The following CSMD1 variants were observed in gnomAD, a reference collection of about 807,000 sequenced individuals.
The protein encoded by CSMD1 is CUB and sushi domain-containing protein 1.
Under a neutral mutation model 417.5 loss-of-function variants are expected in CSMD1, and 213 were observed. The ratio of observed to expected loss-of-function variants is 0.51; its 90% CI spans 0.46 to 0.57. The LOEUF is 0.57. Ranked by LOEUF, CSMD1 falls within the 20% of genes least tolerant of loss-of-function variation. The pLI, the probability that CSMD1 is intolerant of heterozygous loss-of-function variation, is 0.00. For synonymous variants in CSMD1, 2,862 were observed against 1,736.8 expected (o/e 1.65, Z -16.11); for missense variants, 6,923 against 4,529.7 (o/e 1.53, Z -15.17).
intron 59 of CSMD1, among the ~76,000 whole-genome samples, chr8:2,964,510 T>C (rs946979058): frequency 6.6e-6 from 1 of 152,022 alleles, no homozygotes; most frequent in Non-Finnish European, 1.5e-5. Flanking sequence ...GAGAAAGAGG[T>C]CCCATCTGGT....
At chr8:4,117,054 T>G (rs939490390) in intron 3 of CSMD1, among the ~76,000 whole-genome samples, 2 of 151,954 alleles carry the variant, frequency 1.3e-5, no homozygotes, top group Non-Finnish European at 2.9e-5. Flanking sequence ...CTGTCAGTAG[T>G]TAACCAGAAT....
chr8:3,521,806 G>T (rs570967928), intron 10 of CSMD1, among the ~76,000 whole-genome samples: 4 of 152,112 alleles, frequency 2.6e-5, no homozygotes, highest in African/African-American at 9.7e-5. Flanking sequence ...TGGATTCTCT[G>T]TATACACACC....
At chr8:4,932,775 G>A (rs940650719) in intron 1 of CSMD1, among the ~76,000 whole-genome samples, 1 of 152,136 alleles carries the variant, frequency 6.6e-6, no homozygotes, top group East Asian at 1.9e-4. Context: ...TGACTTAAAG[G>A]TAAATTTTTA....
At chr8:4,280,833 T>G (rs980777700) in intron 3 of CSMD1, among the ~76,000 whole-genome samples, 4 of 152,204 alleles carry the variant, frequency 2.6e-5, no homozygotes, top group African/African-American at 9.6e-5. Context: ...TTATAAGACT[T>G]TTATCTTCAT....
intron 10 of CSMD1, among the ~76,000 whole-genome samples, chr8:3,551,099 G>A (rs891540842): frequency 1.8e-4 from 27 of 152,164 alleles, no homozygotes; most frequent in African/African-American, 6.3e-4. Context: ...TAGCAGTTAA[G>A]AGAGTAGACT....
chr8:3,840,531 G>T (rs1269713225), intron 5 of CSMD1, among the ~76,000 whole-genome samples: 1 of 152,016 alleles, frequency 6.6e-6, no homozygotes, highest in South Asian at 2.1e-4. Context: ...TAGAGGAAAT[G>T]CATTCATGTA....
At position 2,960,060 on chromosome 8, in the gene CSMD1, T is replaced by C. The variant is rs1371951241; in HGVS notation, c.9702+1081A>G. Among the ~76,000 whole-genome samples the C allele has an allele frequency of 3.3e-5, 5 of 152,178 alleles. No homozygotes were observed. In the South Asian group the frequency reaches 6.2e-4, roughly 19 times the overall value. ...ATCATTGACTTTTAATTACTGTAAGTTGTACATAGGCAAGTTAAGAATTGC... is the reference window on the plus strand; with the variant it reads ...ATCATTGACTTTTAATTACTGTAAGCTGTACATAGGCAAGTTAAGAATTGC... On this transcript the variant is annotated intron_variant, in intron 62 of 69. Transcript: ENST00000635120.
At chr8:3,389,785 A>C (rs1391850341) in intron 17 of CSMD1, among the ~76,000 whole-genome samples, 1 of 152,248 alleles carries the variant, frequency 6.6e-6, no homozygotes, top group African/African-American at 2.4e-5. Context: ...TGAATTATTT[A>C]CATTTCAAAC....
intron 3 of CSMD1, among the ~76,000 whole-genome samples, chr8:4,270,940 G>C (rs978109758): frequency 1.1e-4 from 16 of 152,164 alleles, no homozygotes; most frequent in African/African-American, 3.6e-4. Context: ...CACCCCTAGA[G>C]AGAGAGGGAG....
chr8:3,359,162 T>C lies in CSMD1; in HGVS notation c.3294A>G (p.Pro1098=), dbSNP rs771636495. 1 of 1,613,978 alleles carries C rather than the reference T, an allele frequency of 6.2e-7. No homozygotes were observed. The highest frequency in any genetic ancestry group is 8.5e-7 in the Non-Finnish European group (1 of 1,179,938). ...GGRRVWSAPL[P]RCVAECGASV... ...CGTGTGACCACCTACCCACACACCT[T>C]GGCAGAGGTGCACTCCACACACGGC... The change falls in exon 21 of 70, where the codon CCA becomes CCG. Residue 1098 remains proline, a synonymous_variant. Transcript: ENST00000635120.
At chr8:3,914,868 G>C (rs1009029394) in intron 5 of CSMD1, among the ~76,000 whole-genome samples, 5 of 152,056 alleles carry the variant, frequency 3.3e-5, no homozygotes, top group Admixed American at 2.6e-4. Flanking sequence ...ACATCATACA[G>C]TTTTCAGTTT....
At chr8:4,445,865 C>T (rs1343501807) in intron 2 of CSMD1, among the ~76,000 whole-genome samples, 2 of 152,182 alleles carry the variant, frequency 1.3e-5, no homozygotes, top group Non-Finnish European at 2.9e-5. Flanking sequence ...AAGTGTTCTC[C>T]CGCTGGAGAA....
chr8:3,089,520 G>C (rs1308410368), intron 48 of CSMD1, among the ~76,000 whole-genome samples: 1 of 152,066 alleles, frequency 6.6e-6, no homozygotes, highest in Non-Finnish European at 1.5e-5. Context: ...ACGTGCATAG[G>C]GCAAATACAT....
chr8:4,859,461 G>C lies in CSMD1; in HGVS notation c.85+134871C>G, dbSNP rs11986430. Among the ~76,000 whole-genome samples, 1,521 of 152,242 alleles carry C rather than the reference G, an allele frequency of 1.0e-2. 16 individuals are homozygous for C. Among genetic ancestry groups the C allele is most frequent in the African/African-American group, 0.034 (1,404 of 41,502 alleles). ...TGCACAGCAAAAGAAACTACCATCA[G>C]AGTGAACAGGCAACCTACACAATGG... On this transcript the variant is annotated intron_variant, in intron 1 of 69. Transcript: ENST00000635120.
At position 3,170,120 on chromosome 8, in the gene CSMD1, C is replaced by A. The variant is rs557544537; in HGVS notation, c.5726-7843G>T. 3.3e-5 allele frequency among the ~76,000 whole-genome samples: 5 copies of A among 152,380 alleles called. No individual in the cohort carries two copies. The South Asian group carries it at 1.0e-3, about 32-fold the overall frequency. On this transcript the variant is annotated intron_variant, in intron 37 of 69. Coordinates refer to ENST00000635120, the MANE Select transcript of CSMD1 (RefSeq NM_033225.6). ...GGCAGCCAGCCCTGCTAGAAGCACC[C>A]TTCTGCGCAAAAGTAAATTTGCTTT...
At chr8:3,558,009 C>A (rs1799232702) in intron 10 of CSMD1, among the ~76,000 whole-genome samples, 1 of 151,740 alleles carries the variant, frequency 6.6e-6, no homozygotes, top group African/African-American at 2.4e-5. Flanking sequence ...TGTGTCCACT[C>A]CTCCAATGAT....
chr8:4,283,243 C>T (rs1304389946), intron 3 of CSMD1, among the ~76,000 whole-genome samples: 1 of 152,078 alleles, frequency 6.6e-6, no homozygotes, highest in East Asian at 1.9e-4. Flanking sequence ...TATCCTTTTG[C>T]AAACAGTTTA....
chr8:3,961,893 C>G (rs1202429911), intron 5 of CSMD1, among the ~76,000 whole-genome samples: 1 of 152,216 alleles, frequency 6.6e-6, no homozygotes, highest in Non-Finnish European at 1.5e-5. Flanking sequence ...TGCCTTACGA[C>G]TTCTTGAGTC....
At chr8:4,398,504 T>C (rs1282010371) in intron 3 of CSMD1, among the ~76,000 whole-genome samples, 2 of 147,044 alleles carry the variant, frequency 1.4e-5, no homozygotes, top group Non-Finnish European at 3.0e-5. Context: ...GCCATTCTCC[T>C]AGCCTCAGCC....
Sources: gnomAD v4.1 joint callset for allele counts (sites outside exome capture counted in the v4.1 genomes callset) on GRCh38, gnomAD v4.1.1 for gene constraint, MANE v1.5 for transcripts, NCBI Gene and HGNC (gene_info 2026-07-23, HGNC 2026-07-21) for gene names.